Variants in MMP16 observed in about 807,000 individuals in gnomAD.
The protein encoded by MMP16 is matrix metallopeptidase 16.
In MMP16, 12 loss-of-function variants were observed where a neutral mutation model predicts 67.8. The observed-to-expected ratio is 0.18, with a 90% CI of 0.11 to 0.29. MMP16 has a LOEUF of 0.29. Ranked by LOEUF, MMP16 falls within the 10% of genes least tolerant of loss-of-function variation. MMP16 has a pLI of 1.00. For synonymous variants in MMP16, 249 were observed against 255.9 expected (o/e 0.97, Z 0.26); for missense variants, 475 against 765.7 (o/e 0.62, Z 4.48).
At chr8:88,158,585 A>G (rs370400910) in intron 4 of MMP16, among the ~76,000 whole-genome samples, 2 of 152,152 alleles carry the variant, frequency 1.3e-5, no homozygotes, top group Non-Finnish European at 2.9e-5. Flanking sequence ...AGATGGGTAG[A>G]TTGCAAAAAT....
chr8:88,131,020 T>G lies in MMP16; in HGVS notation c.710-12159A>C, dbSNP rs73287050. ...ATGTCTTGATTGCAAAGAACCTAAT[T>G]AATGGGAAGCAGTTGCTTCATTTAC... On this transcript the variant is annotated intron_variant, in intron 4 of 9. Transcript: ENST00000286614. Among the ~76,000 whole-genome samples the G allele has an allele frequency of 6.1e-3, 925 of 151,846 alleles. 4 individuals are homozygous for G. Among genetic ancestry groups the G allele is most frequent in the African/African-American group, 0.021 (867 of 41,462 alleles).
At chr8:88,201,627 ATT>A (rs1388419795) in intron 1 of MMP16, among the ~76,000 whole-genome samples, 1 of 152,162 alleles carries the variant, frequency 6.6e-6, no homozygotes, top group Non-Finnish European at 1.5e-5. Flanking sequence ...TTTAAAATAT[ATT>A]CTGATATAAT....
intron 1 of MMP16, among the ~76,000 whole-genome samples, chr8:88,290,421 C>T (rs895032212): frequency 3.3e-5 from 5 of 151,986 alleles, no homozygotes; most frequent in Admixed American, 6.6e-5. Context: ...GGCATGGTGG[C>T]GGGCACCTGT....
At position 88,041,477 on chromosome 8, in the gene MMP16, A is replaced by G; in HGVS notation, c.1808T>C (p.Met603Thr). Residue 603 changes from methionine (M) to threonine (T), a missense_variant, in exon 10 of 10, where the codon ATG (methionine) becomes ACG (threonine). Met to Thr is a moderately conservative substitution (Grantham distance 81). Transcript: ENST00000286614. This position sits in a 1 kb window ranked among gnomAD's most constrained non-coding sequence, Gnocchi z 6.0. ...PRHILYCKRS[M>T]QEWV The stretch of plus-strand genomic sequence containing the variant: ...AACCCTACATCACACCCACTCTTGC[A>G]TAGAGCGTTTACAGTACAGTATGTG... The G allele has an allele frequency of 6.2e-7, 1 of 1,613,702 alleles. No individual in the cohort carries two copies. Among genetic ancestry groups the G allele is most frequent in the Non-Finnish European group, 8.5e-7 (1 of 1,179,622 alleles).
At chr8:88,294,217 G>GAT (rs543142867) in intron 1 of MMP16, among the ~76,000 whole-genome samples, 494 of 148,774 alleles carry the variant, frequency 3.3e-3, no homozygotes, top group Non-Finnish European at 4.9e-3. Flanking sequence ...ATATGTGTTG[G>GAT]ATATATATAT....
chr8:88,107,350 G>C (rs1485957553), intron 6 of MMP16, among the ~76,000 whole-genome samples: 1 of 150,964 alleles, frequency 6.6e-6, no homozygotes, highest in African/African-American at 2.4e-5. Context: ...CAAGTCTGGG[G>C]ACTTTCAGTG....
chr8:88,306,825 A>G (rs898415467), intron 1 of MMP16, among the ~76,000 whole-genome samples: 6 of 152,244 alleles, frequency 3.9e-5, no homozygotes, highest in Non-Finnish European at 5.9e-5. Flanking sequence ...CCAGTATCAT[A>G]CTAAATGGGC....
chr8:88,137,130 T>C (rs535627871), intron 4 of MMP16, among the ~76,000 whole-genome samples: 6 of 152,088 alleles, frequency 3.9e-5, no homozygotes, highest in Non-Finnish European at 7.4e-5. Context: ...AGATGAGTAA[T>C]GATGTTGACA....
intron 4 of MMP16, among the ~76,000 whole-genome samples, chr8:88,155,412 C>A (rs938899138): frequency 2.6e-5 from 4 of 151,768 alleles, no homozygotes; most frequent in Admixed American, 1.3e-4. Flanking sequence ...TATAAAGAAT[C>A]TTTTTCTTTA....
At position 88,037,705 on chromosome 8, in the gene MMP16, A is replaced by G. The variant is rs773945120; in HGVS notation, c.*3756T>C. On this transcript the variant is annotated 3_prime_UTR_variant, in exon 10 of 10. Transcript: ENST00000286614. Reference sequence around the variant, plus strand: ...ATGCGGAATTACTGCTTTACAGGAAATTCAAACTGATCAGCTATTTTAATA... The same window carrying G: ...ATGCGGAATTACTGCTTTACAGGAAGTTCAAACTGATCAGCTATTTTAATA... 1 of 152,020 alleles carries G rather than the reference A, an allele frequency of 6.6e-6. No homozygotes were observed. The allele number at this position is 152,020 out of a possible 1,614,324, so 9.4% of individuals were successfully genotyped here.
chr8:88,272,717 T>C (rs543930792), intron 1 of MMP16, among the ~76,000 whole-genome samples: 189 of 152,222 alleles, frequency 1.2e-3, no homozygotes, highest in Non-Finnish European at 1.7e-3. Flanking sequence ...GTTGAAAAGG[T>C]TGGCAGGAGA....
At chr8:88,231,737 C>A (rs1809861633) in intron 1 of MMP16, among the ~76,000 whole-genome samples, 1 of 152,170 alleles carries the variant, frequency 6.6e-6, no homozygotes, top group African/African-American at 2.4e-5. Flanking sequence ...CTAAAGATAT[C>A]AACTTCACCC....
At chr8:88,218,020 T>C (rs1809621517) in intron 1 of MMP16, among the ~76,000 whole-genome samples, 1 of 152,002 alleles carries the variant, frequency 6.6e-6, no homozygotes. Context: ...ACTTTTATTG[T>C]TTTGTTTCAT....
At chr8:88,323,348 C>G (rs759207180) in intron 1 of MMP16, among the ~76,000 whole-genome samples, 3 of 151,992 alleles carry the variant, frequency 2.0e-5, no homozygotes, top group Non-Finnish European at 4.4e-5. Flanking sequence ...TACATGCAGG[C>G]AAACCTGACA....
chr8:88,186,969 A>C (rs546400433), intron 2 of MMP16, among the ~76,000 whole-genome samples: 61 of 152,298 alleles, frequency 4.0e-4, no homozygotes, highest in African/African-American at 1.3e-3. Flanking sequence ...ATAAAATGCC[A>C]CTAAGGAGTT....
At chr8:88,182,361 A>C (rs1289798615) in intron 3 of MMP16, among the ~76,000 whole-genome samples, 3 of 152,152 alleles carry the variant, frequency 2.0e-5, no homozygotes, top group Non-Finnish European at 2.9e-5. Context: ...CAGAGATGGT[A>C]GGTAAATAAG....
chr8:88,199,863 T>C (rs1489912548), intron 1 of MMP16, among the ~76,000 whole-genome samples: 1 of 152,002 alleles, frequency 6.6e-6, no homozygotes, highest in East Asian at 1.9e-4. Flanking sequence ...AAATACTAAA[T>C]TTGTCTCTTG....
rs987002978 is a variant in MMP16, at chr8:88,145,312, G to T, written c.709+22357C>A. 5.9e-5 allele frequency among the ~76,000 whole-genome samples: 9 copies of T among 151,968 alleles called. No homozygotes were observed. In the South Asian group the frequency reaches 6.2e-4, roughly 10 times the overall value. The stretch of plus-strand genomic sequence containing the variant: ...AACTGTAACACAATTATAAATATTT[G>T]TGTATCTACATTAACATATCTAAAG... On this transcript the variant is annotated intron_variant, in intron 4 of 9. Coordinates refer to ENST00000286614, the MANE Select transcript of MMP16 (RefSeq NM_005941.5).
intron 1 of MMP16, among the ~76,000 whole-genome samples, chr8:88,231,044 AT>A (rs1297276056): frequency 6.6e-6 from 1 of 152,172 alleles, no homozygotes; most frequent in Non-Finnish European, 1.5e-5. Flanking sequence ...TATTGCTGAA[AT>A]GGAATGGGCA....
Sources: allele counts gnomAD v4.1 joint callset (sites outside exome capture counted in the v4.1 genomes callset), GRCh38; gene constraint gnomAD v4.1.1; non-coding constraint Gnocchi (gnomAD v3.1); transcripts MANE v1.5; gene names NCBI Gene and HGNC (gene_info 2026-07-23, HGNC 2026-07-21).